The following ZNF564 variants were observed in gnomAD, a reference collection of about 807,000 sequenced individuals.
ZNF564 encodes the protein zinc finger protein 564.
ZNF564 carries 5 observed loss-of-function variants against 10.5 expected under a neutral mutation model. That is an observed-to-expected ratio of 0.48 (90% confidence interval 0.25 to 1.00). The LOEUF (loss-of-function observed/expected upper bound fraction) is 1.00, where lower values mean the gene tolerates loss of function less well. ZNF564 is among the 50% of genes least tolerant of loss of function. The pLI, the probability that ZNF564 is intolerant of heterozygous loss-of-function variation, is 0.16. For missense variants in ZNF564, 603 were observed against 669.7 expected (o/e 0.90, Z 1.10); for synonymous variants, 242 against 218.1 (o/e 1.11, Z -0.97).
At chr19:12,543,031 T>C (rs1239213777) in intron 1 of ZNF564, among the ~76,000 whole-genome samples, 1 of 151,878 alleles carries the variant, frequency 6.6e-6, no homozygotes, top group Non-Finnish European at 1.5e-5. Context: ...CCGGGCGCGG[T>C]GGCTCACGCC....
Position 12,527,242 on chromosome 19 carries a change from G to A in ZNF564, c.866C>T (p.Ala289Val), listed in dbSNP as rs780388298. ...TTGAAAATTTGTGAAAGAAATGAAG[G>A]CCTTCCCACACTGTTTACATTCATG... ...KPHECKQCGK[A>V]FISFTNFQSH... Residue 289 changes from alanine to valine, a missense_variant, in exon 4 of 4, where the codon GCC becomes GTC. Transcript: ENST00000339282. 7 of 1,614,032 alleles carry A rather than the reference G, an allele frequency of 4.3e-6. No homozygotes were observed. The highest frequency in any genetic ancestry group is 4.2e-6 in the Non-Finnish European group (5 of 1,180,018).
chr19:12,538,252 G>T (rs911183498), intron 1 of ZNF564, among the ~76,000 whole-genome samples: 11 of 151,964 alleles, frequency 7.2e-5, no homozygotes, highest in Admixed American at 2.6e-4. Flanking sequence ...ACTTTAGGAG[G>T]CAAAGACAGG....
chr19:12,531,027 T>G (rs1444518844), intron 1 of ZNF564, among the ~76,000 whole-genome samples: 1 of 151,954 alleles, frequency 6.6e-6, no homozygotes, highest in Admixed American at 6.6e-5. Flanking sequence ...GGATTACAGG[T>G]GTAAACCACC....
intron 1 of ZNF564, among the ~76,000 whole-genome samples, chr19:12,537,408 A>G (rs532841930): frequency 2.2e-4 from 34 of 152,180 alleles, no homozygotes; most frequent in African/African-American, 6.8e-4. Flanking sequence ...ATCAGGTATT[A>G]TAAGTGAGCT....
Position 12,526,762 on chromosome 19 carries a change from T to A in ZNF564, c.1346A>T (p.Tyr449Phe), listed in dbSNP as rs372944966. 4 of 1,614,082 alleles carry A rather than the reference T, an allele frequency of 2.5e-6. No homozygotes were observed. In the African/African-American group the frequency reaches 4.0e-5, roughly 16 times the overall value. The change falls in exon 4 of 4, where the codon TAT (tyrosine) becomes TTT (phenylalanine). Residue 449 changes from tyrosine (Y) to phenylalanine (F), a missense_variant. By Grantham distance (22) the Tyr-to-Phe change is conservative. Transcript: ENST00000339282. The part of the protein sequence containing the change: ...HMILHTGDGP[Y>F]KCQVCGKAFD... ...GGCTTTACCACATACCTGACATTTA[T>A]AAGGTCCATCTCCAGTGTGCAGTAT...
At chr19:12,539,015 G>A (rs572190175) in intron 1 of ZNF564, among the ~76,000 whole-genome samples, 5 of 150,548 alleles carry the variant, frequency 3.3e-5, no homozygotes, top group South Asian at 2.1e-4. Flanking sequence ...ATCACCTGAG[G>A]TCAGGAGTTC....
intron 1 of ZNF564, among the ~76,000 whole-genome samples, chr19:12,543,576 A>T (rs1455008468): frequency 6.8e-6 from 1 of 146,482 alleles, no homozygotes; most frequent in Non-Finnish European, 1.5e-5. Flanking sequence ...CGGGAGGCTG[A>T]GGCAGGAGAA....
intron 1 of ZNF564, among the ~76,000 whole-genome samples, chr19:12,551,016 C>A (rs375211681): frequency 1.3e-5 from 2 of 152,258 alleles, no homozygotes; most frequent in African/African-American, 4.8e-5. Flanking sequence ...AGACGGGATT[C>A]CGCCTTATGA....
chr19:12,527,948 T>C (rs1568261546), intron 3 of ZNF564, 32 bp from the exon 4 acceptor site: 2 of 1,546,440 alleles, frequency 1.3e-6, no homozygotes, highest in Non-Finnish European at 8.7e-7. Context: ...ATTTAGTGGT[T>C]TGTGACTTTA....
intron 1 of ZNF564, among the ~76,000 whole-genome samples, chr19:12,540,140 ATTATC>A (rs1051932565): frequency 6.6e-6 from 1 of 152,194 alleles, no homozygotes; most frequent in African/African-American, 2.4e-5. Context: ...AAGCAAGGAA[ATTATC>A]TTATAATCTA....
At chr19:12,533,140 AATTTTAAAAAATC>A (rs148051479) in intron 1 of ZNF564, among the ~76,000 whole-genome samples, 1,930 of 152,292 alleles carry the variant, frequency 0.013, 40 homozygotes, top group African/African-American at 0.044. Context: ...TAATATGAAA[AATTTTAAAAAATC>A]ATACAAAGTA....
intron 1 of ZNF564, among the ~76,000 whole-genome samples, chr19:12,545,262 CAA>C (rs534783270): frequency 1.2e-4 from 7 of 57,406 alleles, no homozygotes; most frequent in Non-Finnish European, 1.2e-4. Context: ...AATTCCGTCT[CAA>C]AAAAAAAAAA....
intron 1 of ZNF564, among the ~76,000 whole-genome samples, chr19:12,534,077 A>G (rs1348525877): frequency 6.6e-6 from 1 of 152,194 alleles, no homozygotes; most frequent in Non-Finnish European, 1.5e-5. Flanking sequence ...AAGAACATCA[A>G]TGAGGAACCT....
At position 12,527,265 on chromosome 19, in the gene ZNF564, A is replaced by G; in HGVS notation, c.843T>C (p.His281=). 2 of 1,614,100 alleles carry G rather than the reference A, an allele frequency of 1.2e-6. No homozygotes were observed. Among genetic ancestry groups the G allele is most frequent in the Admixed American group, 1.7e-5 (1 of 60,020 alleles). ...AGGCCTTCCCACACTGTTTACATTC[A>G]TGGGGTTTCTCTCCAGTATGAGTTC... ...HERTHTGEKP[H]ECKQCGKAFI... is the part of the protein sequence containing the mutation. Residue 281 remains histidine, a synonymous_variant, in exon 4 of 4, where the codon CAT becomes CAC. Transcript: ENST00000339282.
intron 1 of ZNF564, among the ~76,000 whole-genome samples, chr19:12,539,930 G>A (rs542428894): frequency 2.7e-5 from 4 of 150,554 alleles, no homozygotes; most frequent in South Asian, 2.1e-4. Flanking sequence ...GCAGTGAGCC[G>A]AGATCGCGCC....
chr19:12,546,949 AAC>A (rs1256391950), intron 1 of ZNF564, among the ~76,000 whole-genome samples: 17 of 152,200 alleles, frequency 1.1e-4, no homozygotes, highest in African/African-American at 4.1e-4. Flanking sequence ...CCATCCTAAA[AAC>A]AGACTAACCT....
At position 12,527,686 on chromosome 19, in the gene ZNF564, T is replaced by C. The variant is rs1376780062; in HGVS notation, c.422A>G (p.Tyr141Cys). 6 of 1,614,080 alleles carry C rather than the reference T, an allele frequency of 3.7e-6. No homozygotes were observed. Among genetic ancestry groups the C allele is most frequent in the Admixed American group, 1.7e-5 (1 of 60,000 alleles). The change falls in exon 4 of 4, where the codon TAT becomes TGT. Residue 141 changes from tyrosine (Y) to cysteine (C), a missense_variant. By Grantham distance (194) the Tyr-to-Cys change is radical. Coordinates refer to ENST00000339282, the MANE Select transcript of ZNF564 (RefSeq NM_144976.4). ...YDYQEYGEKP[Y>C]KCKQCGKAFS... ...GGCTTTCCCACACTGCTTACATTTA[T>C]ATGGTTTCTCTCCATATTCCTGATA... is the stretch of plus-strand genomic sequence containing the variant.
chr19:12,534,698 C>T (rs2021873587), intron 1 of ZNF564, among the ~76,000 whole-genome samples: 1 of 152,052 alleles, frequency 6.6e-6, no homozygotes, highest in South Asian at 2.1e-4. Flanking sequence ...CATGTAATCC[C>T]AGCTACTCGA....
chr19:12,528,643 A>C lies in ZNF564; in HGVS notation c.57T>G (p.Ala19=). ...GTTTCTTCTGGGAAGGATCCAGCAA[A>C]GCCCACTCCTCAAGTGTGAAGTTCA... ...VAVNFTLEEW[A]LLDPSQKKLY... is the part of the protein sequence containing the mutation. Residue 19 remains alanine, a synonymous_variant, in exon 2 of 4, where the codon GCT becomes GCG. Coordinates refer to ENST00000339282, the MANE Select transcript of ZNF564 (RefSeq NM_144976.4). 2.5e-6 allele frequency: 4 copies of C among 1,613,978 alleles called. 1 individual carries two copies. In the South Asian group the frequency reaches 3.3e-5, roughly 13 times the overall value.
Sources: gnomAD v4.1 joint callset for allele counts (sites outside exome capture counted in the v4.1 genomes callset) on GRCh38, gnomAD v4.1.1 for gene constraint, MANE v1.5 for transcripts, NCBI Gene and HGNC (gene_info 2026-07-23, HGNC 2026-07-21) for gene names.